SLC6A19: variants seen among roughly 807,000 people sequenced by gnomAD.
The protein encoded by SLC6A19 is sodium-dependent neutral amino acid transporter B(0)AT1.
In SLC6A19, 67 loss-of-function variants were observed where a neutral mutation model predicts 68.3. The ratio of observed to expected loss-of-function variants is 0.98; its 90% CI spans 0.81 to 1.20. The LOEUF is 1.20. Among genes scored for constraint, SLC6A19 ranks in the 50% most tolerant of loss-of-function variants. The probability of loss-of-function intolerance (pLI) is 0.00; values close to 1 mark genes in which losing one functional copy is unlikely to be tolerated. For missense variants in SLC6A19, 813 were observed against 851.6 expected, an observed-to-expected ratio of 0.95 and a Z score of 0.56; for synonymous variants, 392 against 374.9, an observed-to-expected ratio of 1.05 and a Z score of -0.53.
At chr5:1,218,358 GC>G (rs1746264046) in intron 8 of SLC6A19, among the ~76,000 whole-genome samples, 2 of 152,198 alleles carry the variant, frequency 1.3e-5, no homozygotes, top group African/African-American at 4.8e-5. Context: ...AGATTCCACA[GC>G]TAGGACCACT....
At chr5:1,211,288 G>T (rs375757261) in intron 3 of SLC6A19, among the ~76,000 whole-genome samples, 1 of 152,228 alleles carries the variant, frequency 6.6e-6, no homozygotes, top group South Asian at 2.1e-4. Flanking sequence ...TCCTGCCTCC[G>T]GGGCTGTGGG....
At chr5:1,204,462 C>A (rs1042601431) in intron 1 of SLC6A19, among the ~76,000 whole-genome samples, 4 of 152,212 alleles carry the variant, frequency 2.6e-5, no homozygotes, top group African/African-American at 9.6e-5. Flanking sequence ...GAACAGCAAC[C>A]AAAAGCCGTG....
rs1411435478 is a variant in SLC6A19 at position 1,209,308 on chromosome 5, G to C, written c.343+422G>C. 6.6e-6 allele frequency among the ~76,000 whole-genome samples: 1 copy of C among 152,130 alleles called. No homozygotes were observed. Among genetic ancestry groups the C allele is most frequent in the Non-Finnish European group, 1.5e-5 (1 of 68,022 alleles). ...ACATAGTCACTCATTTATAAGCTCT[G>C]GGGCCCAGGAGCAGACCCAGTGCAG... is the stretch of plus-strand genomic sequence containing the variant. On this transcript the variant is annotated intron_variant, in intron 2 of 11. Transcript: ENST00000304460. The surrounding 1 kb of genome is among the most constrained non-coding windows in gnomAD (Gnocchi z 5.5).
chr5:1,201,958 A>G (rs1022896560), intron 1 of SLC6A19, 106 bp downstream of exon 1: 159 of 1,400,784 alleles, frequency 1.1e-4, no homozygotes, highest in Non-Finnish European at 1.4e-4. Context: ...CTCCCCAAGC[A>G]CGGAGGGGAG....
intron 10 of SLC6A19, 96 bp downstream of exon 10, chr5:1,219,760 G>C (rs1746318002): frequency 6.5e-6 from 10 of 1,538,976 alleles, no homozygotes; most frequent in Non-Finnish European, 8.9e-6. Flanking sequence ...TCAGGGTACG[G>C]AGGGAGAGTC....
At chr5:1,211,689 A>G (rs986497618) in intron 3 of SLC6A19, among the ~76,000 whole-genome samples, 1 of 150,648 alleles carries the variant, frequency 6.6e-6, no homozygotes, top group African/African-American at 2.4e-5. Flanking sequence ...TGCTGTGTGC[A>G]TGTGCATGTG....
Position 1,210,599 on chromosome 5 carries a change from G to C in SLC6A19, c.481+18G>C, listed in dbSNP as rs368957196. The stretch of plus-strand genomic sequence containing the variant: ...CCAGACAGGTGAGTCCTTGCAAGCA[G>C]CCCCATCCGTCTCACCTGTGAGGCT... On this transcript the variant is annotated intron_variant, in intron 3 of 11. Coordinates refer to ENST00000304460, the MANE Select transcript of SLC6A19 (RefSeq NM_001003841.3). 1.9e-6 allele frequency: 3 copies of C among 1,611,474 alleles called. No homozygotes were observed. The highest frequency in any genetic ancestry group is 3.3e-5 in the Admixed American group (2 of 60,024).
Position 1,216,486 on chromosome 5 carries a change from G to C in SLC6A19, c.888-72G>C, listed in dbSNP as rs554353718. The C allele has an allele frequency of 2.5e-6, 4 of 1,608,114 alleles. No homozygotes were observed. In the South Asian group the frequency reaches 4.4e-5, roughly 18 times the overall value. On this transcript the variant is annotated intron_variant, in intron 6 of 11. Transcript: ENST00000304460. Reference sequence around the variant, plus strand: ...GGGGCTGGCGCTCTGGGCGGGATGCGGATGCTGCCCTGGGCTGTGTCCTGA... The same window carrying C: ...GGGGCTGGCGCTCTGGGCGGGATGCCGATGCTGCCCTGGGCTGTGTCCTGA...
At chr5:1,201,986 G>T in intron 1 of SLC6A19, 134 bp downstream of exon 1, 1 of 1,267,994 alleles carries the variant, frequency 7.9e-7, no homozygotes, top group African/African-American at 1.5e-5. Context: ...GCCGCAGGGT[G>T]TGGGGGGAGC....
intron 10 of SLC6A19, among the ~76,000 whole-genome samples, chr5:1,220,028 C>G (rs1746327815): frequency 6.6e-6 from 1 of 152,102 alleles, no homozygotes; most frequent in Admixed American, 6.5e-5. Flanking sequence ...TTCCCTGATG[C>G]TCCAGGCCTT....
At chr5:1,208,613 A>G (rs975051136) in intron 1 of SLC6A19, 133 bp from the exon 2 acceptor site, 50 of 1,224,994 alleles carry the variant, frequency 4.1e-5, no homozygotes, top group Middle Eastern at 1.9e-4. Flanking sequence ...TGGCTGCTCC[A>G]TCTCAGCTCT....
chr5:1,213,961 G>A lies in SLC6A19; in HGVS notation c.783G>A (p.Glu261=), dbSNP rs999227804. The change falls in exon 6 of 12, where the codon GAG becomes GAA. Residue 261 remains glutamate (E), a synonymous_variant. Coordinates refer to ENST00000304460, the MANE Select transcript of SLC6A19 (RefSeq NM_001003841.3). Reference sequence around the variant, plus strand: ...GTCTCCATGTGGCGCAGGTCACGGAGCTGGCCCAGCCGGACACCTGGCTGG... The same window carrying A: ...GTCTCCATGTGGCGCAGGTCACGGAACTGGCCCAGCCGGACACCTGGCTGG... ...IVFLFTPNVT[E]LAQPDTWLDA... is the part of the protein sequence containing the mutation. The A allele has an allele frequency of 2.5e-6, 4 of 1,613,238 alleles. No homozygotes were observed. The highest frequency in any genetic ancestry group is 3.4e-6 in the Non-Finnish European group (4 of 1,179,998).
At position 1,221,734 on chromosome 5, in the gene SLC6A19, C is replaced by G; in HGVS notation, c.1735C>G (p.Pro579Ala). Residue 579 changes from proline (P) to alanine (A), a missense_variant, in exon 12 of 12, where the codon CCG (proline) becomes GCG (alanine). By Grantham distance (27) the Pro-to-Ala change is conservative (BLOSUM62 -1). Transcript: ENST00000304460. ...TCCCAAATCCCAGAAGATCTCCTACCCGAACTGGGTGTATGTGGTGGTGGT... is the reference window on the plus strand; with the variant it reads ...TCCCAAATCCCAGAAGATCTCCTACGCGAACTGGGTGTATGTGGTGGTGGT... Reference protein sequence around the residue: ...EFPKSQKISYPNWVYVVVVIV... With the variant: ...EFPKSQKISYANWVYVVVVIV... The G allele has an allele frequency of 3.1e-6, 5 of 1,614,048 alleles. No homozygotes were observed. Among genetic ancestry groups the G allele is most frequent in the Non-Finnish European group, 4.2e-6 (5 of 1,179,926 alleles).
Position 1,216,939 on chromosome 5 carries a change from CTCAGAGGTAGGTCCAT to C in SLC6A19, c.1170_1173+12del. The C allele has an allele frequency of 6.2e-7, 1 of 1,612,822 alleles. No homozygotes were observed. Among genetic ancestry groups the C allele is most frequent in the African/African-American group, 1.3e-5 (1 of 75,060 alleles). ...AGACCTGCGACATCAACGCCTTCCT[CTCAGAGGTAGGTCCAT>C]TCCGGAGCTCGAGGCAGGGAGAGGG... is the stretch of plus-strand genomic sequence containing the variant. On this transcript the variant is annotated splice_donor_variant and splice_donor_5th_base_variant and coding_sequence_variant and intron_variant, in exon 8 of 12. Coordinates refer to ENST00000304460, the MANE Select transcript of SLC6A19 (RefSeq NM_001003841.3). LOFTEE classifies it high-confidence loss of function.
At position 1,221,044 on chromosome 5, in the gene SLC6A19, G is replaced by A. The variant is rs541869883; in HGVS notation, c.1539-107G>A. The stretch of plus-strand genomic sequence containing the variant: ...GATCGGGCCCTGGCAAGGGGAGGCC[G>A]GGCACCTCGCAGCACACCATCTGTT... On this transcript the variant is annotated intron_variant, in intron 10 of 11. Coordinates refer to ENST00000304460, the MANE Select transcript of SLC6A19 (RefSeq NM_001003841.3). 336 of 1,426,456 alleles carry A rather than the reference G, an allele frequency of 2.4e-4. 1 individual carries two copies. In the African/African-American group the frequency reaches 3.9e-3, roughly 17 times the overall value. 88.4% of individuals were successfully genotyped at this position (1,426,456 alleles called of 1,614,324 possible). A position where few individuals can be genotyped will look rare whatever the true frequency, so the allele number is the denominator to read the frequency against.
chr5:1,216,304 G>A (rs1468840847), intron 6 of SLC6A19, among the ~76,000 whole-genome samples: 1 of 152,210 alleles, frequency 6.6e-6, no homozygotes, highest in Admixed American at 6.5e-5. Context: ...GGAGTCAGGA[G>A]CAGTCATAGC....
intron 10 of SLC6A19, among the ~76,000 whole-genome samples, chr5:1,219,978 TTG>T (rs1172038146): frequency 7.9e-5 from 12 of 151,468 alleles, no homozygotes; most frequent in Non-Finnish European, 8.9e-5. Flanking sequence ...GGGATGCTCC[TTG>T]TGTGTGTGTG....
Position 1,222,121 on chromosome 5 carries a change from A to G in SLC6A19, c.*217A>G, listed in dbSNP as rs1746402314. 6.5e-6 allele frequency: 4 copies of G among 614,010 alleles called. No homozygotes were observed. 38.0% of individuals were successfully genotyped at this position (614,010 alleles called of 1,614,324 possible). On this transcript the variant is annotated 3_prime_UTR_variant, in exon 12 of 12. Transcript: ENST00000304460. ...ACTGTGTGAGTGTGCACGTGTATGC[A>G]CACATATACATGTGTGTGGGTGTGT...
At position 1,209,762 on chromosome 5, in the gene SLC6A19, T is replaced by A. The variant is rs1745971071; in HGVS notation, c.344-682T>A. Reference sequence around the variant, plus strand: ...TCCTATTCTCTCTGTCTCTTCCCTCTTCTCTCTCTTCCCCTATCTCCGTCT... The same window carrying A: ...TCCTATTCTCTCTGTCTCTTCCCTCATCTCTCTCTTCCCCTATCTCCGTCT... On this transcript the variant is annotated intron_variant, in intron 2 of 11. Coordinates refer to ENST00000304460, the MANE Select transcript of SLC6A19 (RefSeq NM_001003841.3). This position sits in a 1 kb window ranked among gnomAD's most constrained non-coding sequence, Gnocchi z 5.5. Among the ~76,000 whole-genome samples the A allele has an allele frequency of 6.6e-6, 1 of 151,486 alleles. No individual in the cohort carries two copies. The highest frequency in any genetic ancestry group is 1.5e-5 in the Non-Finnish European group (1 of 67,838).
Sources: gnomAD v4.1 joint callset for allele counts (sites outside exome capture counted in the v4.1 genomes callset) on GRCh38, gnomAD v4.1.1 for gene constraint, Gnocchi (gnomAD v3.1) non-coding constraint, MANE v1.5 for transcripts, NCBI Gene and HGNC (gene_info 2026-07-23, HGNC 2026-07-21) for gene names.